Variants in FANCB observed in about 807,000 individuals in gnomAD.
FANCB encodes FA complementation group B, also known as Fanconi anemia group B protein.
In FANCB, 5 loss-of-function variants were observed where a neutral mutation model predicts 38.9. The ratio of observed to expected loss-of-function variants is 0.13; its 90% CI spans 0.07 to 0.27. FANCB has a LOEUF of 0.27. Ranked by LOEUF, FANCB falls within the 10% of genes least tolerant of loss-of-function variation. The probability of loss-of-function intolerance (pLI) is 1.00; values close to 1 mark genes in which losing one functional copy is unlikely to be tolerated. For synonymous variants in FANCB, 236 were observed against 215.4 expected (o/e 1.10, Z -0.84); for missense variants, 573 against 602.7 (o/e 0.95, Z 0.52).
the FANCB span, among the ~76,000 whole-genome samples, chrX:14,796,321 TAGTC>T: frequency 3.7e-5 from 4 of 107,414 alleles, no homozygotes; most frequent in East Asian, 2.9e-4. Flanking sequence ...AAAGCTGTAT[TAGTC>T]AGAGTTCTCC....
the FANCB span, among the ~76,000 whole-genome samples, chrX:14,755,155 G>A: frequency 6.3e-5 from 7 of 111,609 alleles, no homozygotes; most frequent in East Asian, 2.8e-4. Flanking sequence ...GTACCTCAAC[G>A]TAATAAAGGC....
the FANCB span, among the ~76,000 whole-genome samples, chrX:14,705,949 C>A: frequency 0.027 from 3,037 of 111,700 alleles, 99 homozygotes; most frequent in African/African-American, 0.093. Flanking sequence ...GAAGTCATAC[C>A]AGAAATGAGC....
chrX:14,749,320 TCA>T, the FANCB span, among the ~76,000 whole-genome samples: 9 of 111,319 alleles, frequency 8.1e-5, no homozygotes, highest in East Asian at 1.7e-3. Flanking sequence ...CTTTATAGTT[TCA>T]CAGTCTTGAA....
the FANCB span, among the ~76,000 whole-genome samples, chrX:14,789,279 C>G: frequency 1.8e-5 from 2 of 110,896 alleles, no homozygotes; most frequent in Non-Finnish European, 3.8e-5. Context: ...TGCCATTATT[C>G]AGTAGAATGT....
At position 14,844,647 on chromosome X, in the gene FANCB, A is replaced by G. The variant is rs1325163035; in HGVS notation, c.2021T>C (p.Val674Ala). 1 of 1,209,197 alleles carries G rather than the reference A, an allele frequency of 8.3e-7. No individual in the cohort carries two copies. The highest frequency in any genetic ancestry group is 1.1e-6 in the Non-Finnish European group (1 of 893,182). The change falls in exon 9 of 10, where the codon GTG becomes GCG. Residue 674 changes from valine to alanine, a missense_variant. Val to Ala is a moderately conservative substitution (Grantham distance 64). Transcript: ENST00000650831. Reference protein sequence around the residue: ...SPGYALNSMKVWLLEHMKCEI... With the variant: ...SPGYALNSMKAWLLEHMKCEI... ...ACATTTCATATGTTCTAAGAGCCAC[A>G]CCTTCATTGAATTCAGGGCATAGCC...
the FANCB span, among the ~76,000 whole-genome samples, chrX:14,734,028 A>G: frequency 8.9e-6 from 1 of 112,355 alleles, no homozygotes; most frequent in Non-Finnish European, 1.9e-5. Context: ...AATGTTTAAA[A>G]TAAATACCAG....
intron 9 of FANCB, 125 bp downstream of exon 9, chrX:14,844,378 G>T: frequency 1.8e-6 from 1 of 550,726 alleles, no homozygotes; most frequent in African/African-American, 2.3e-5. Context: ...TTCATGCTAG[G>T]CCATGGCTCT....
the FANCB span, among the ~76,000 whole-genome samples, chrX:14,787,150 C>T: frequency 7.2e-5 from 8 of 110,845 alleles, no homozygotes; most frequent in East Asian, 2.3e-3. Flanking sequence ...CCATTTTCCT[C>T]ATTGATTAAA....
chrX:14,800,444 G>GA, the FANCB span, among the ~76,000 whole-genome samples: 1 of 111,437 alleles, frequency 9.0e-6, no homozygotes, highest in East Asian at 2.8e-4. Context: ...GAAGACACAA[G>GA]AAAAAATCCT....
At chrX:14,749,090 C>T in the FANCB span, among the ~76,000 whole-genome samples, 1 of 111,547 alleles carries the variant, frequency 9.0e-6, no homozygotes, top group South Asian at 3.8e-4. Flanking sequence ...ACAAAATCTC[C>T]ATGATTCAGT....
the FANCB span, among the ~76,000 whole-genome samples, chrX:14,819,909 C>A: frequency 1.8e-5 from 2 of 111,751 alleles, no homozygotes; most frequent in African/African-American, 3.3e-5. Flanking sequence ...CCAACCCATT[C>A]TCCAAATTGT....
At chrX:14,848,819 C>G (rs1443349380) in intron 7 of FANCB, among the ~76,000 whole-genome samples, 3 of 111,132 alleles carry the variant, frequency 2.7e-5, no homozygotes, top group African/African-American at 9.9e-5. Context: ...CCCTAAATCC[C>G]TCACTAACCT....
the FANCB span, among the ~76,000 whole-genome samples, chrX:14,737,918 T>C: frequency 8.9e-6 from 1 of 111,978 alleles, no homozygotes; most frequent in Non-Finnish European, 1.9e-5. Context: ...AAGATGGGCC[T>C]AACCCCATAA....
the FANCB span, among the ~76,000 whole-genome samples, chrX:14,814,408 A>G: frequency 1.8e-5 from 2 of 112,323 alleles, no homozygotes; most frequent in African/African-American, 6.5e-5. Flanking sequence ...ATGGGAGAAA[A>G]TTTCTGCAAT....
the FANCB span, among the ~76,000 whole-genome samples, chrX:14,747,955 A>G: frequency 2.7e-5 from 3 of 111,896 alleles, no homozygotes. Flanking sequence ...CACAAAACCA[A>G]TGTCAAGCTA....
chrX:14,786,504 C>G, the FANCB span, among the ~76,000 whole-genome samples: 3 of 110,900 alleles, frequency 2.7e-5, no homozygotes, highest in East Asian at 8.5e-4. Context: ...AAGAATGGAA[C>G]CTGACATATG....
chrX:14,745,093 G>C, the FANCB span, among the ~76,000 whole-genome samples: 3 of 111,766 alleles, frequency 2.7e-5, no homozygotes, highest in Non-Finnish European at 5.6e-5. Context: ...ATGAATTAAA[G>C]CTGATTTTAC....
the FANCB span, among the ~76,000 whole-genome samples, chrX:14,773,883 G>C: frequency 9.0e-6 from 1 of 111,119 alleles, no homozygotes; most frequent in African/African-American, 3.3e-5. Flanking sequence ...AGAAGTCCCG[G>C]GGAAGAGTCT....
the FANCB span, among the ~76,000 whole-genome samples, chrX:14,711,350 A>G: frequency 1.2e-3 from 133 of 112,468 alleles, no homozygotes; most frequent in Non-Finnish European, 2.3e-3. Context: ...TGGAATATCA[A>G]TGAGATTCTC....
Sources: gnomAD v4.1 joint callset for allele counts (sites outside exome capture counted in the v4.1 genomes callset) on GRCh38, gnomAD v4.1.1 for gene constraint, MANE v1.5 for transcripts, NCBI Gene and HGNC (gene_info 2026-07-23, HGNC 2026-07-21) for gene names.